ENTPD1: variants seen among roughly 807,000 people sequenced by gnomAD.
ENTPD1 encodes ATP diphosphohydrolase.
ENTPD1 carries 33 observed loss-of-function variants against 57.0 expected under a neutral mutation model. That is an observed-to-expected ratio of 0.58 (90% CI 0.44 to 0.77). The LOEUF is 0.77. ENTPD1 is among the 30% of genes least tolerant of loss of function. The pLI is 0.00. For synonymous variants in ENTPD1, 202 were observed against 218.8 expected, an observed-to-expected ratio of 0.92 and a Z score of 0.68; for missense variants, 501 against 603.4, an observed-to-expected ratio of 0.83 and a Z score of 1.78.
exon 1 of ENTPD1, chr10:95,711,956 A>T (rs1357094042): frequency 1.9e-6 from 3 of 1,613,238 alleles, no homozygotes; most frequent in Non-Finnish European, 1.7e-6. Flanking sequence ...TGGAAGCTGC[A>T]ATGAAGGGAA....
chr10:95,872,862 T>A lies in ENTPD1; in HGVS notation c.*6479T>A, dbSNP rs1287449213. The A allele has an allele frequency of 1.1e-5, 11 of 985,284 alleles. No homozygotes were observed. Among genetic ancestry groups the A allele is most frequent in the Non-Finnish European group, 1.2e-6 (1 of 829,934 alleles). The allele number at this position is 985,284 out of a possible 1,614,324, so 61.0% of individuals were successfully genotyped here. Reference sequence around the variant, plus strand: ...CAACTCCTGGTTCCCTGATGAAGCTTTTATTCCCCTAGCCACATGGAACTT... The same window carrying A: ...CAACTCCTGGTTCCCTGATGAAGCTATTATTCCCCTAGCCACATGGAACTT... On this transcript the variant is annotated 3_prime_UTR_variant, in exon 10 of 10. Coordinates refer to ENST00000371205, the MANE Select transcript of ENTPD1 (RefSeq NM_001776.6).
At chr10:95,732,163 G>C (rs779976553) in intron 1 of ENTPD1, among the ~76,000 whole-genome samples, 9 of 152,124 alleles carry the variant, frequency 5.9e-5, no homozygotes, top group Non-Finnish European at 8.8e-5. Flanking sequence ...ATAATTAAAT[G>C]ATTGACAACA....
At chr10:95,830,604 G>A (rs1286198950) in intron 2 of ENTPD1, among the ~76,000 whole-genome samples, 1 of 152,024 alleles carries the variant, frequency 6.6e-6, no homozygotes, top group Non-Finnish European at 1.5e-5. Context: ...TCAGGAGTTC[G>A]ACACCAGCCT....
At chr10:95,845,647 C>T (rs2098433858) in intron 6 of ENTPD1, 51 bp downstream of exon 6, 2 of 1,614,094 alleles carry the variant, frequency 1.2e-6, no homozygotes, top group African/African-American at 1.3e-5. Context: ...CACCTCCAGC[C>T]CCCACATCCT....
At chr10:95,851,090 T>C (rs1210878758) in intron 7 of ENTPD1, among the ~76,000 whole-genome samples, 3 of 152,196 alleles carry the variant, frequency 2.0e-5, no homozygotes, top group Non-Finnish European at 2.9e-5. Context: ...GAATTACTTA[T>C]GAGGTAATTT....
intron 1 of ENTPD1, among the ~76,000 whole-genome samples, chr10:95,780,851 T>A (rs2098154697): frequency 6.6e-6 from 1 of 152,184 alleles, no homozygotes; most frequent in African/African-American, 2.4e-5. Flanking sequence ...TCAGACCTTA[T>A]GTGACAGGAG....
intron 2 of ENTPD1, among the ~76,000 whole-genome samples, chr10:95,823,695 T>G (rs900096676): frequency 1.3e-5 from 2 of 152,246 alleles, no homozygotes; most frequent in African/African-American, 4.8e-5. Context: ...TTCTAGTATA[T>G]TTCCACTTCT....
intron 1 of ENTPD1, among the ~76,000 whole-genome samples, chr10:95,808,449 G>A (rs188951228): frequency 5.9e-4 from 90 of 152,280 alleles, no homozygotes; most frequent in Non-Finnish European, 1.2e-3. Flanking sequence ...AATGAGTTAG[G>A]GTGAAGTCCC....
intron 1 of ENTPD1, among the ~76,000 whole-genome samples, chr10:95,811,244 T>C (rs150657626): frequency 3.9e-5 from 6 of 152,304 alleles, no homozygotes; most frequent in African/African-American, 1.2e-4. Context: ...AGAAATTACA[T>C]TGATCTGGCA....
intron 1 of ENTPD1, among the ~76,000 whole-genome samples, chr10:95,797,673 G>T (rs2098232016): frequency 6.6e-6 from 1 of 152,112 alleles, no homozygotes; most frequent in Non-Finnish European, 1.5e-5. Context: ...GAAAGGAGGA[G>T]GTGCCAGGCT....
rs1051009338 is a variant in ENTPD1, at chr10:95,808,730, T to TC, written c.17-14507_17-14506insC. 6.6e-5 allele frequency among the ~76,000 whole-genome samples: 10 copies of TC among 152,030 alleles called. No individual in the cohort carries two copies. The East Asian group carries it at 9.6e-4, about 15-fold the overall frequency. ...AGATTATTTTAGTTGCTTTTTTTTT[T>TC]TTTAATAATTTTGTTGATCATTCTT... On this transcript the variant is annotated intron_variant, in intron 1 of 9. Coordinates refer to ENST00000371205, the MANE Select transcript of ENTPD1 (RefSeq NM_001776.6).
intron 2 of ENTPD1, among the ~76,000 whole-genome samples, chr10:95,836,581 T>C (rs1207268133): frequency 6.6e-6 from 1 of 152,202 alleles, no homozygotes; most frequent in Non-Finnish European, 1.5e-5. Context: ...CTTTAAAGGA[T>C]ATACTCATAG....
chr10:95,728,443 C>T (rs2097985921), intron 1 of ENTPD1, among the ~76,000 whole-genome samples: 4 of 152,184 alleles, frequency 2.6e-5, no homozygotes, highest in Admixed American at 2.6e-4. Flanking sequence ...AAATGGTGGG[C>T]AGCTGCAGCC....
At chr10:95,712,048 T>A in intron 1 of ENTPD1, 1 of 1,611,242 alleles carries the variant, frequency 6.2e-7, no homozygotes. Context: ...TGGAATCTGG[T>A]AGAGCCGATG....
At chr10:95,851,537 G>A (rs1015925735) in intron 7 of ENTPD1, among the ~76,000 whole-genome samples, 4 of 151,046 alleles carry the variant, frequency 2.6e-5, no homozygotes, top group South Asian at 2.1e-4. Flanking sequence ...CCATTAACTC[G>A]TCATTTACAT....
chr10:95,716,704 C>T (rs1164527494), intron 1 of ENTPD1, among the ~76,000 whole-genome samples: 2 of 152,190 alleles, frequency 1.3e-5, no homozygotes, highest in African/African-American at 2.4e-5. Flanking sequence ...AGGCCCTTGT[C>T]GGATGTGGCT....
At chr10:95,847,380 G>A (rs2098437707) in intron 6 of ENTPD1, 66 bp from the exon 7 acceptor site, 1 of 1,593,310 alleles carries the variant, frequency 6.3e-7, no homozygotes, top group Admixed American at 1.7e-5. Context: ...TATTGATTAA[G>A]TCAGACTGTA....
At chr10:95,753,049 T>G (rs537740358), upstream of ENTPD1, among the ~76,000 whole-genome samples, 1 of 152,178 alleles carries the variant, frequency 6.6e-6, no homozygotes, top group Admixed American at 6.5e-5. Flanking sequence ...AAAATGAAAA[T>G]TCTACCATTC....
intron 1 of ENTPD1, among the ~76,000 whole-genome samples, chr10:95,771,390 AG>A (rs2098115437): frequency 6.6e-6 from 1 of 152,228 alleles, no homozygotes; most frequent in Non-Finnish European, 1.5e-5. Flanking sequence ...AATTCCTAAA[AG>A]TAGAATTTCC....
Sources: gnomAD v4.1 joint callset for allele counts (sites outside exome capture counted in the v4.1 genomes callset) on GRCh38, gnomAD v4.1.1 for gene constraint, MANE v1.5 for transcripts, NCBI Gene and HGNC (gene_info 2026-07-23, HGNC 2026-07-21) for gene names.